The following PDS5A variants were observed in gnomAD, a reference collection of about 807,000 sequenced individuals.
The protein encoded by PDS5A is sister chromatid cohesion protein PDS5 homolog A.
In PDS5A, 42 loss-of-function variants were observed where a neutral mutation model predicts 167.1. The observed-to-expected ratio is 0.25, with a 90% CI of 0.20 to 0.33. PDS5A has a LOEUF of 0.33. PDS5A is among the 10% of genes least tolerant of loss of function. PDS5A has a pLI of 1.00. For missense variants in PDS5A, 1,033 were observed against 1,605.9 expected, an observed-to-expected ratio of 0.64 and a Z score of 6.10; for synonymous variants, 553 against 554.6, an observed-to-expected ratio of 1.00 and a Z score of 0.04.
chr4:39,845,898 GAAAAAGA>G lies in PDS5A; in HGVS notation c.3340-25_3340-19del. The stretch of plus-strand genomic sequence containing the variant: ...CAGAAGTCCTATTAAAAAAAAAAAA[GAAAAAGA>G]AAAAAGAAACACCAATCAAAGGAAC... On this transcript the variant is annotated intron_variant, in intron 28 of 32. Transcript: ENST00000303538. 1 of 1,258,076 alleles carries G rather than the reference GAAAAAGA, an allele frequency of 7.9e-7. No individual in the cohort carries two copies. The highest frequency in any genetic ancestry group is 1.0e-6 in the Non-Finnish European group (1 of 972,824). The allele number at this position is 1,258,076 out of a possible 1,614,324, so 77.9% of individuals were successfully genotyped here. A position where few individuals can be genotyped will look rare whatever the true frequency, so the allele number is the denominator to read the frequency against.
At chr4:39,943,779 C>A (rs935528041) in intron 2 of PDS5A, among the ~76,000 whole-genome samples, 1 of 151,696 alleles carries the variant, frequency 6.6e-6, no homozygotes, top group African/African-American at 2.4e-5. Context: ...TGCACTCCAG[C>A]CTGGGCAACA....
At chr4:39,862,514 T>C (rs764769880) in intron 25 of PDS5A, among the ~76,000 whole-genome samples, 181 bp from the exon 26 acceptor site, 3 of 152,216 alleles carry the variant, frequency 2.0e-5, no homozygotes, top group Non-Finnish European at 2.9e-5. Flanking sequence ...TGGTATGCAG[T>C]TGTATTTCAC....
Position 39,976,549 on chromosome 4 carries a change from G to A in PDS5A, c.29C>T (p.Ala10Val). The change falls in exon 2 of 33, where the codon GCC becomes GTC. Residue 10 changes from alanine (A) to valine (V), a missense_variant. Physicochemically the swap from Ala to Val is moderately conservative, Grantham distance 64 (BLOSUM62 0). This residue lies in a region of PDS5A where 388 missense variants were observed against 615.1 expected (regional missense o/e 0.63). Coordinates refer to ENST00000303538, the MANE Select transcript of PDS5A (RefSeq NM_001100399.2). ...ACTCACGACGCCACAGAGGGCAGTG[G>A]CAGGCTTGGGCTGCGCGGTGAAGTC... is the stretch of plus-strand genomic sequence containing the variant. The part of the protein sequence containing the change: MDFTAQPKP[A>V]TALCGVVSAD... 1 of 1,612,924 alleles carries A rather than the reference G, an allele frequency of 6.2e-7. No homozygotes were observed. The highest frequency in any genetic ancestry group is 1.3e-5 in the African/African-American group (1 of 75,048).
intron 12 of PDS5A, among the ~76,000 whole-genome samples, chr4:39,903,523 A>T (rs1425377946): frequency 1.3e-5 from 2 of 152,276 alleles, no homozygotes; most frequent in African/African-American, 2.4e-5. Context: ...AGTAATATTC[A>T]GAAAATGAAA....
At chr4:39,968,386 C>T (rs1730183859) in intron 2 of PDS5A, among the ~76,000 whole-genome samples, 1 of 149,512 alleles carries the variant, frequency 6.7e-6, no homozygotes, top group Non-Finnish European at 1.5e-5. Context: ...GCTCTTGTTG[C>T]CCAGGCTGGA....
chr4:39,922,860 G>A (rs1725116009), intron 5 of PDS5A, 112 bp from the exon 6 acceptor site: 1 of 1,237,388 alleles, frequency 8.1e-7, no homozygotes, highest in Non-Finnish European at 1.0e-6. Context: ...CACATGTAAA[G>A]GATTTTCACT....
At chr4:39,838,831 C>G (rs1387907825) in intron 31 of PDS5A, among the ~76,000 whole-genome samples, 1 of 151,528 alleles carries the variant, frequency 6.6e-6, no homozygotes, top group East Asian at 2.0e-4. Flanking sequence ...ACCAGCCTGA[C>G]CAACATGGAG....
intron 10 of PDS5A, 22 bp downstream of exon 10, chr4:39,910,222 T>A (rs1297355962): frequency 2.5e-6 from 3 of 1,217,402 alleles, no homozygotes; most frequent in Non-Finnish European, 3.6e-6. Flanking sequence ...TGCTAATATG[T>A]GTAATAAACC....
chr4:39,832,993 T>TA (rs972001872), intron 32 of PDS5A, among the ~76,000 whole-genome samples: 7 of 148,626 alleles, frequency 4.7e-5, no homozygotes, highest in South Asian at 4.2e-4. Context: ...CCATCTCTAC[T>TA]AAAAAAAAGA....
intron 26 of PDS5A, among the ~76,000 whole-genome samples, chr4:39,858,385 T>A (rs999872515): frequency 6.6e-6 from 1 of 152,206 alleles, no homozygotes; most frequent in African/African-American, 2.4e-5. Flanking sequence ...TTAAATAGGA[T>A]TGAGAGCCCA....
At chr4:39,895,003 G>A (rs1023663837) in intron 16 of PDS5A, among the ~76,000 whole-genome samples, 3 of 151,766 alleles carry the variant, frequency 2.0e-5, no homozygotes, top group Admixed American at 6.6e-5. Flanking sequence ...CGAGGCGGGC[G>A]GATCACGAGG....
At position 39,976,488 on chromosome 4, in the gene PDS5A, T is replaced by C. The variant is rs1357396463; in HGVS notation, c.90A>G (p.Lys30=). Residue 30 remains lysine, a synonymous_variant, in exon 2 of 33, where the codon AAA becomes AAG. Transcript: ENST00000303538. The stretch of plus-strand genomic sequence containing the variant: ...CCGTGGTGATCTTGTCGGTGATCTC[T>C]TTTACCCCCGGAGGGTAAGCGATCT... ...DGKIAYPPGV[K]EITDKITTDE... 4 of 1,613,228 alleles carry C rather than the reference T, an allele frequency of 2.5e-6. No homozygotes were observed. The highest frequency in any genetic ancestry group is 3.4e-6 in the Non-Finnish European group (4 of 1,179,310).
chr4:39,966,646 TG>T (rs375721202), intron 2 of PDS5A, among the ~76,000 whole-genome samples: 6 of 152,324 alleles, frequency 3.9e-5, no homozygotes, highest in African/African-American at 1.4e-4. Flanking sequence ...CCAGGGTAGC[TG>T]TATTAATGTC....
At chr4:39,869,327 T>C (rs1427344661) in intron 22 of PDS5A, 67 bp downstream of exon 22, 1 of 944,514 alleles carries the variant, frequency 1.1e-6, no homozygotes, top group East Asian at 2.4e-5. Flanking sequence ...TTTTTAAAGG[T>C]GAGGAAGATA....
At chr4:39,944,358 G>A (rs1727540687) in intron 2 of PDS5A, among the ~76,000 whole-genome samples, 2 of 152,148 alleles carry the variant, frequency 1.3e-5, no homozygotes, top group South Asian at 4.1e-4. Context: ...TTAGCCTCAA[G>A]GGGAATTCAT....
At chr4:39,917,557 CAA>C (rs1230338324) in intron 7 of PDS5A, among the ~76,000 whole-genome samples, 1 of 151,992 alleles carries the variant, frequency 6.6e-6, no homozygotes, top group Non-Finnish European at 1.5e-5. Flanking sequence ...AGAAAAATTA[CAA>C]AGTCTCAATC....
At chr4:39,827,286 T>C (rs1363435384) in intron 32 of PDS5A, among the ~76,000 whole-genome samples, 2 of 152,164 alleles carry the variant, frequency 1.3e-5, no homozygotes, top group Non-Finnish European at 2.9e-5. Flanking sequence ...CATGAACCAC[T>C]GGACCCGGCC....
chr4:39,973,582 T>C, intron 2 of PDS5A: 1 of 1,281,620 alleles, frequency 7.8e-7, no homozygotes, highest in South Asian at 1.2e-5. Flanking sequence ...CAGCAAAGGG[T>C]TTGGTTTCGT....
In PDS5A at chr4:39,863,410, T is replaced by G. The variant is rs199885028; in HGVS notation, c.2692A>C (p.Lys898Gln). The G allele has an allele frequency of 1.8e-4, 289 of 1,610,060 alleles. No individual in the cohort carries two copies. Among genetic ancestry groups the G allele is most frequent in the Non-Finnish European group, 2.4e-4 (277 of 1,177,006 alleles). Reference sequence around the variant, plus strand: ...TGGTAACAAGGTTCCTGAGCAAGCTTCATTATGGCACTACCAGCAGCTAAT... The same window carrying G: ...TGGTAACAAGGTTCCTGAGCAAGCTGCATTATGGCACTACCAGCAGCTAAT... ...LRLAAGSAIM[K>Q]LAQEPCYHEI... Residue 898 changes from lysine to glutamine, a missense_variant, in exon 24 of 33, where the codon AAG (lysine) becomes CAG (glutamine). By Grantham distance (53) the Lys-to-Gln change is moderately conservative. Around this residue, in one of 4 missense-constraint regions of PDS5A, gnomAD observed 367 missense variants for 686.7 expected, o/e 0.53. Transcript: ENST00000303538.
Sources: gnomAD v4.1 joint callset for allele counts (sites outside exome capture counted in the v4.1 genomes callset) on GRCh38, gnomAD v4.1.1 for gene constraint, gnomAD v4.1.1 regional missense constraint, MANE v1.5 for transcripts, NCBI Gene and HGNC (gene_info 2026-07-23, HGNC 2026-07-21) for gene names.